Variants in FGF13 observed in about 807,000 individuals in gnomAD.
The protein encoded by FGF13 is fibroblast growth factor 13.
FGF13 carries 2 observed loss-of-function variants against 19.5 expected under a neutral mutation model. The ratio of observed to expected loss-of-function variants is 0.10; its 90% CI spans 0.04 to 0.32. FGF13 has a LOEUF of 0.32. Among genes scored for constraint, FGF13 ranks in the 10% least tolerant of loss-of-function variants. The pLI is 1.00. For missense variants in FGF13, 113 were observed against 192.7 expected (o/e 0.59, Z 2.45); for synonymous variants, 72 against 76.9 (o/e 0.94, Z 0.33).
chrX:138,768,195 G>A (rs995011701), intron 3 of FGF13, among the ~76,000 whole-genome samples: 2 of 111,806 alleles, frequency 1.8e-5, no homozygotes, highest in Admixed American at 9.5e-5. Context: ...TTAGAAACTC[G>A]TCATTTTAAC....
chrX:138,719,835 G>T (rs1054434333), intron 1 of FGF13, among the ~76,000 whole-genome samples: 1 of 112,727 alleles, frequency 8.9e-6, no homozygotes. Context: ...AAATTATTTA[G>T]TAACTTTTCG....
At chrX:138,776,925 T>C (rs2090592374) in intron 3 of FGF13, among the ~76,000 whole-genome samples, 1 of 111,553 alleles carries the variant, frequency 9.0e-6, no homozygotes, top group Non-Finnish European at 1.9e-5. Flanking sequence ...ATATGAACCC[T>C]GGGAATAATG....
At chrX:139,139,876 A>G (rs763404271) in intron 1 of FGF13, among the ~76,000 whole-genome samples, 23 of 111,737 alleles carry the variant, frequency 2.1e-4, no homozygotes, top group African/African-American at 7.5e-4. Flanking sequence ...TGCTATTGAC[A>G]ATTACTATTT....
At chrX:139,174,011 C>T (rs1295589522) in intron 1 of FGF13, among the ~76,000 whole-genome samples, 1 of 112,163 alleles carries the variant, frequency 8.9e-6, no homozygotes, top group East Asian at 2.8e-4. Context: ...AGTTTACAGT[C>T]CCACCAACAG....
Position 138,762,367 on chromosome X carries a change from T to G in FGF13, c.218-53439A>C, listed in dbSNP as rs753575735. Among the ~76,000 whole-genome samples the G allele has an allele frequency of 2.7e-5, 3 of 112,287 alleles. No homozygotes were observed. In the South Asian group the frequency reaches 1.1e-3, roughly 41 times the overall value. The stretch of plus-strand genomic sequence containing the variant: ...CTAGCATATATAATAAATACTTATT[T>G]AATGAAAGGATGAACAAAGGATAGG... On this transcript the variant is annotated intron_variant, in intron 3 of 6. Transcript: ENST00000436198.
chrX:139,165,831 A>C (rs1044618074), intron 1 of FGF13, among the ~76,000 whole-genome samples: 1 of 111,952 alleles, frequency 8.9e-6, no homozygotes, highest in African/African-American at 3.2e-5. Flanking sequence ...GTCTCCACTT[A>C]GATTTCAAAA....
chrX:139,153,682 T>A (rs1191895103), intron 1 of FGF13, among the ~76,000 whole-genome samples: 1 of 111,932 alleles, frequency 8.9e-6, no homozygotes, highest in Non-Finnish European at 1.9e-5. Flanking sequence ...GTTTAAATCC[T>A]AACTCCCAAG....
intron 3 of FGF13, among the ~76,000 whole-genome samples, chrX:138,790,884 A>C: frequency 8.9e-6 from 1 of 112,508 alleles, no homozygotes; most frequent in Middle Eastern, 4.6e-3. Flanking sequence ...ATATATTGCC[A>C]GCACCTGACA....
chrX:138,706,174 T>A (rs143092819), intron 2 of FGF13, among the ~76,000 whole-genome samples: 38 of 94,411 alleles, frequency 4.0e-4, no homozygotes, highest in African/African-American at 9.9e-4. Context: ...CATGTTGAAC[T>A]GATAATGCTA....
chrX:138,685,060 G>A (rs1022882033), intron 3 of FGF13, among the ~76,000 whole-genome samples: 1 of 111,790 alleles, frequency 8.9e-6, no homozygotes, highest in Non-Finnish European at 1.9e-5. Flanking sequence ...ATTAAAAGCA[G>A]GAAGTACTGT....
chrX:138,695,862 A>AAT (rs768607174), intron 3 of FGF13, among the ~76,000 whole-genome samples: 1 of 112,289 alleles, frequency 8.9e-6, no homozygotes, highest in South Asian at 3.7e-4. Flanking sequence ...AGAAAAATGG[A>AAT]ATATATGCTG....
chrX:139,070,493 G>A (rs1310499372), intron 1 of FGF13, among the ~76,000 whole-genome samples: 1 of 112,326 alleles, frequency 8.9e-6, no homozygotes, highest in Non-Finnish European at 1.9e-5. Flanking sequence ...GGCTGGAGAG[G>A]ATGTGAAGAA....
intron 1 of FGF13, among the ~76,000 whole-genome samples, chrX:138,898,851 T>C (rs142298131): frequency 8.0e-5 from 9 of 111,972 alleles, no homozygotes; most frequent in Non-Finnish European, 1.7e-4. Context: ...AAAAGCTCTT[T>C]GGTGATTTAT....
intron 3 of FGF13, among the ~76,000 whole-genome samples, chrX:138,666,297 C>T (rs780038476): frequency 9.0e-6 from 1 of 110,900 alleles, no homozygotes; most frequent in Non-Finnish European, 1.9e-5. Flanking sequence ...TATTTGCATT[C>T]CTGAAAAGAA....
chrX:138,768,725 AT>A (rs1230863105), intron 3 of FGF13, among the ~76,000 whole-genome samples: 21 of 98,878 alleles, frequency 2.1e-4, no homozygotes, highest in African/African-American at 8.0e-4. Flanking sequence ...ATAAGTATAT[AT>A]TATATATATA....
At chrX:138,984,523 G>GAAGAAGAACAA (rs2091979498) in intron 1 of FGF13, among the ~76,000 whole-genome samples, 5 of 31,580 alleles carry the variant, frequency 1.6e-4, no homozygotes, top group African/African-American at 6.1e-4. Flanking sequence ...AAGAAGAAGA[G>GAAGAAGAACAA]GAAGAAGAAG....
chrX:138,913,638 GAGGAAGGAAGGAAGGAAGGAAGGA>G lies in FGF13; in HGVS notation c.-112-49012_-112-48989del, dbSNP rs747877973. Among the ~76,000 whole-genome samples, 114 of 61,775 alleles carry G rather than the reference GAGGAAGGAAGGAAGGAAGGAAGGA, an allele frequency of 1.8e-3. 1 individual carries two copies. The highest frequency in any genetic ancestry group is 4.4e-3 in the South Asian group (4 of 902). 53.6% of individuals were successfully genotyped at this position (61,775 alleles called of 115,157 possible). On this transcript the variant is annotated intron_variant, in intron 1 of 2. Coordinates refer to the FGF13 transcript ENST00000421460. Reference sequence around the variant, plus strand: ...AGAGGGAGGGAGGGAAGGAGGGATGGAGGAAGGAAGGAAGGAAGGAAGGAAGGAAGGAAGGAAGGAAGGAAGGAA... The same window carrying G: ...AGAGGGAGGGAGGGAAGGAGGGATGGAGGAAGGAAGGAAGGAAGGAAGGAA...
At chrX:138,683,829 A>T (rs760621152) in intron 3 of FGF13, among the ~76,000 whole-genome samples, 1 of 111,801 alleles carries the variant, frequency 8.9e-6, no homozygotes, top group African/African-American at 3.2e-5. Flanking sequence ...AGTGGAGGCA[A>T]ATAGAAGGCA....
chrX:138,735,508 G>A (rs1205843647), intron 1 of FGF13, among the ~76,000 whole-genome samples: 1 of 112,122 alleles, frequency 8.9e-6, no homozygotes, highest in Non-Finnish European at 1.9e-5. Context: ...GGAGATATGT[G>A]TATACCCTAT....
Sources: allele counts gnomAD v4.1 joint callset (sites outside exome capture counted in the v4.1 genomes callset), GRCh38; gene constraint gnomAD v4.1.1; transcripts MANE v1.5; gene names NCBI Gene and HGNC (gene_info 2026-07-23, HGNC 2026-07-21).